Variants in NCOA1 observed in about 807,000 individuals in gnomAD.
NCOA1 encodes the protein Hin-2 protein.
A neutral mutation model predicts 150.9 loss-of-function variants in NCOA1; 35 were observed. That is an observed-to-expected ratio of 0.23 (90% CI 0.18 to 0.31). The LOEUF (loss-of-function observed/expected upper bound fraction) is 0.31. Among genes scored for constraint, NCOA1 ranks in the 10% least tolerant of loss-of-function variants. The pLI, the probability that NCOA1 is intolerant of heterozygous loss-of-function variation, is 1.00. For missense variants in NCOA1, 1,491 were observed against 1,749.3 expected (o/e 0.85, Z 2.63); for synonymous variants, 590 against 630.0 (o/e 0.94, Z 0.95).
rs1268062521 is a variant in NCOA1 at position 24,491,313 on chromosome 2, GT to G, written c.-683del. Among the ~76,000 whole-genome samples, 1 of 147,578 alleles carries G rather than the reference GT, an allele frequency of 6.8e-6. No individual in the cohort carries two copies. Among genetic ancestry groups the G allele is most frequent in the Non-Finnish European group, 1.5e-5 (1 of 66,300 alleles). ...GCCGCGGAGAGCGGCTGAAATGCCTGTTCTTCAGGCCGGGCGAGCGGGAGTC... is the reference window on the plus strand; with the variant it reads ...GCCGCGGAGAGCGGCTGAAATGCCTGTCTTCAGGCCGGGCGAGCGGGAGTC... On this transcript the variant is annotated 5_prime_UTR_variant, in exon 1 of 23. It removes the in-frame stop codon of an upstream open reading frame in the 5' UTR. Transcript: ENST00000348332.
intron 12 of NCOA1, among the ~76,000 whole-genome samples, chr2:24,706,054 CTT>C (rs1390101261): frequency 7.2e-5 from 11 of 151,920 alleles, no homozygotes; most frequent in Non-Finnish European, 1.0e-4. Context: ...GCATATCACT[CTT>C]TTTAATTTTT....
intron 3 of NCOA1, among the ~76,000 whole-genome samples, chr2:24,591,788 T>A (rs1237779569): frequency 6.6e-6 from 1 of 152,078 alleles, no homozygotes; most frequent in Non-Finnish European, 1.5e-5. Context: ...AAATTTTTAT[T>A]TTAAGAATTT....
chr2:24,725,735 G>A (rs111401064), intron 14 of NCOA1, among the ~76,000 whole-genome samples: 73,453 of 138,860 alleles, frequency 0.53, 19,469 homozygotes, highest in Admixed American at 0.68. Context: ...GTGTGTGTGT[G>A]TGTGTGTGTG....
chr2:24,494,186 G>GGA (rs1472507483), intron 1 of NCOA1, among the ~76,000 whole-genome samples: 1 of 152,140 alleles, frequency 6.6e-6, no homozygotes, highest in Non-Finnish European at 1.5e-5. Flanking sequence ...GTGGAGTGGT[G>GGA]GAGAGAGGGT....
At chr2:24,593,578 G>C (rs1160542920) in intron 3 of NCOA1, among the ~76,000 whole-genome samples, 2 of 151,986 alleles carry the variant, frequency 1.3e-5, no homozygotes, top group East Asian at 1.9e-4. Context: ...CTGTAATTCT[G>C]TTATTCGTAT....
At chr2:24,502,672 A>G (rs1663514273) in intron 1 of NCOA1, among the ~76,000 whole-genome samples, 3 of 152,184 alleles carry the variant, frequency 2.0e-5, no homozygotes, top group Admixed American at 1.3e-4. Context: ...GTGTTTTGAA[A>G]TAAAATTGTC....
At chr2:24,708,043 A>G (rs754992842) in intron 13 of NCOA1, among the ~76,000 whole-genome samples, 155 bp downstream of exon 13, 4 of 152,210 alleles carry the variant, frequency 2.6e-5, no homozygotes, top group Non-Finnish European at 4.4e-5. Flanking sequence ...TGATCACAGG[A>G]TGCCCTCAGA....
At chr2:24,665,626 A>T in intron 5 of NCOA1, 123 bp from the exon 6 acceptor site, 1 of 824,686 alleles carries the variant, frequency 1.2e-6, no homozygotes, top group Non-Finnish European at 1.7e-6. Flanking sequence ...TCACTTTCTA[A>T]ATCTGGTTTT....
At chr2:24,634,708 A>ACCCCCCCCCC (rs530645429) in intron 3 of NCOA1, among the ~76,000 whole-genome samples, 25 of 39,716 alleles carry the variant, frequency 6.3e-4, no homozygotes, top group East Asian at 9.3e-4. Flanking sequence ...TAGGGGAGGA[A>ACCCCCCCCCC]CCCCCCCCCC....
chr2:24,556,561 G>A (rs139815280), intron 1 of NCOA1, among the ~76,000 whole-genome samples: 1,864 of 152,218 alleles, frequency 0.012, 23 homozygotes, highest in Non-Finnish European at 0.019. Flanking sequence ...TTAAAAAGTG[G>A]GCAAAGGACA....
At chr2:24,620,849 A>C (rs1035643177) in intron 3 of NCOA1, among the ~76,000 whole-genome samples, 2 of 152,182 alleles carry the variant, frequency 1.3e-5, no homozygotes, top group African/African-American at 4.8e-5. Context: ...ATGTAATTTG[A>C]TTTATAAAAA....
chr2:24,728,179 G>C, intron 15 of NCOA1, 129 bp from the exon 16 acceptor site: 1 of 622,788 alleles, frequency 1.6e-6, no homozygotes, highest in Non-Finnish European at 2.6e-6. Context: ...ACATTCCATG[G>C]CATTAGAATT....
intron 22 of NCOA1, among the ~76,000 whole-genome samples, chr2:24,766,750 G>C (rs539667209): frequency 2.6e-4 from 40 of 151,490 alleles, no homozygotes; most frequent in Admixed American, 2.3e-3. Context: ...AGAGAGGAAG[G>C]CCTGGTGAAG....
At chr2:24,568,942 T>C (rs547833038) in intron 2 of NCOA1, among the ~76,000 whole-genome samples, 126 of 152,340 alleles carry the variant, frequency 8.3e-4, no homozygotes, top group African/African-American at 2.9e-3. Context: ...GTTTTGTTAT[T>C]GGTCTGTTGT....
chr2:24,716,677 G>T (rs1013506378), intron 14 of NCOA1, among the ~76,000 whole-genome samples: 2 of 152,140 alleles, frequency 1.3e-5, no homozygotes, highest in Non-Finnish European at 2.9e-5. Context: ...GAAAGAAAAA[G>T]ATTGATACAT....
At chr2:24,510,757 A>G (rs868508161) in intron 1 of NCOA1, among the ~76,000 whole-genome samples, 31 of 151,776 alleles carry the variant, frequency 2.0e-4, no homozygotes, top group South Asian at 2.1e-4. Context: ...TTCTTTTTGT[A>G]CTCTGGGGAC....
rs777703519 is a variant in NCOA1 at position 24,658,689 on chromosome 2, C to T, written c.12C>T (p.Leu4=). The T allele has an allele frequency of 1.2e-5, 19 of 1,613,824 alleles. No homozygotes were observed. The highest frequency in any genetic ancestry group is 5.3e-5 in the African/African-American group (4 of 74,824). Residue 4 remains leucine, a synonymous_variant, in exon 5 of 23, where the codon CTC becomes CTT. Coordinates refer to ENST00000348332, the MANE Select transcript of NCOA1 (RefSeq NM_003743.5). ...TGAAGTTTTTCAACATGAGTGGCCTCGGGGACAGTTCATCCGACCCTGCTA... is the reference window on the plus strand; with the variant it reads ...TGAAGTTTTTCAACATGAGTGGCCTTGGGGACAGTTCATCCGACCCTGCTA... The part of the protein sequence containing the change: MSG[L]GDSSSDPANP...
In NCOA1 at chr2:24,738,185, A is replaced by T. The variant is rs56099028; in HGVS notation, c.3202-1247A>T. Among the ~76,000 whole-genome samples, 1,307 of 152,094 alleles carry T rather than the reference A, an allele frequency of 8.6e-3. 11 individuals carry two copies. Among genetic ancestry groups the T allele is most frequent in the Non-Finnish European group, 0.015 (1,030 of 67,968 alleles). On this transcript the variant is annotated intron_variant, in intron 17 of 22. Coordinates refer to ENST00000348332, the MANE Select transcript of NCOA1 (RefSeq NM_003743.5). ...TTAGAATTAAGAGTTGAGCTATTTG[A>T]TGACAAGAGATTTAATCACTGTTCA...
rs943852310 is a variant in NCOA1 at position 24,757,880 on chromosome 2, G to A, written c.3882-93G>A. 1.7e-5 allele frequency: 20 copies of A among 1,170,572 alleles called. No homozygotes were observed. The Admixed American group carries it at 2.7e-4, about 16-fold the overall frequency. 72.5% of individuals were successfully genotyped at this position (1,170,572 alleles called of 1,614,324 possible). On this transcript the variant is annotated intron_variant, in intron 20 of 22. Transcript: ENST00000348332. ...GTTACAGTCATACATGCAATTTAAG[G>A]ATGTAACATATTTTATTTGGAAACA...
Sources: allele counts gnomAD v4.1 joint callset (sites outside exome capture counted in the v4.1 genomes callset), GRCh38; gene constraint gnomAD v4.1.1; transcripts MANE v1.5; gene names NCBI Gene and HGNC (gene_info 2026-07-23, HGNC 2026-07-21).